PLD5: variants seen among roughly 807,000 people sequenced by gnomAD.
PLD5 encodes inactive phospholipase D5.
In PLD5, 36 loss-of-function variants were observed where a neutral mutation model predicts 61.1. The ratio of observed to expected loss-of-function variants is 0.59; its 90% CI spans 0.45 to 0.78. PLD5 has a LOEUF of 0.78. Ranked by LOEUF, PLD5 falls within the 30% of genes least tolerant of loss-of-function variation. The probability of loss-of-function intolerance (pLI) is 0.00; values close to 1 mark genes in which losing one functional copy is unlikely to be tolerated. For missense variants in PLD5, 515 were observed against 644.4 expected (o/e 0.80, Z 2.17); for synonymous variants, 243 against 242.8 (o/e 1.00, Z -0.01).
In PLD5 at chr1:242,327,144, C is replaced by T. The variant is rs184850859; in HGVS notation, c.326+20962G>A. ...CCTCCCAAAGTGCTGGGATTACAAG[C>T]GTGAGCCACCACGCCTGGCGCTAAT... On this transcript the variant is annotated intron_variant, in intron 2 of 9. Coordinates refer to ENST00000536534, the MANE Select transcript of PLD5 (RefSeq NM_001372062.1). 2.5e-3 allele frequency among the ~76,000 whole-genome samples: 377 copies of T among 151,942 alleles called. 1 individual carries two copies. The highest frequency in any genetic ancestry group is 8.4e-3 in the African/African-American group (347 of 41,414).
At chr1:242,244,534 T>C (rs1168179991) in intron 4 of PLD5, among the ~76,000 whole-genome samples, 1 of 152,170 alleles carries the variant, frequency 6.6e-6, no homozygotes, top group Non-Finnish European at 1.5e-5. Context: ...TTTAAATGAG[T>C]GGATACAAAT....
At chr1:242,095,649 A>G (rs1574283193) in intron 9 of PLD5, among the ~76,000 whole-genome samples, 2 of 152,188 alleles carry the variant, frequency 1.3e-5, no homozygotes, top group African/African-American at 2.4e-5. Flanking sequence ...CCCACAAAAG[A>G]ACATTTAGAT....
chr1:242,279,608 A>C lies in PLD5; in HGVS notation c.495+8754T>G, dbSNP rs556987740. 2.0e-5 allele frequency among the ~76,000 whole-genome samples: 3 copies of C among 151,852 alleles called. No individual in the cohort carries two copies. In the East Asian group the frequency reaches 5.8e-4, roughly 29 times the overall value. On this transcript the variant is annotated intron_variant, in intron 3 of 9. Coordinates refer to ENST00000536534, the MANE Select transcript of PLD5 (RefSeq NM_001372062.1). ...TAGAGCAGTGGCACAATCTCAGCTC[A>C]CTGCAACCTCTGCCTCCCGGGTTCA...
chr1:242,300,762 T>G (rs375865158), intron 2 of PLD5, among the ~76,000 whole-genome samples: 1 of 151,302 alleles, frequency 6.6e-6, no homozygotes, highest in Non-Finnish European at 1.5e-5. Context: ...GGACAAGGGT[T>G]GCAGCGGGAG....
chr1:242,267,079 T>C (rs1673724152), intron 3 of PLD5, among the ~76,000 whole-genome samples: 1 of 148,792 alleles, frequency 6.7e-6, no homozygotes. Context: ...ATCACGCCAC[T>C]GAACTCCAGC....
At chr1:242,309,626 G>A (rs1171911579) in intron 2 of PLD5, among the ~76,000 whole-genome samples, 37 of 151,092 alleles carry the variant, frequency 2.4e-4, no homozygotes, top group Non-Finnish European at 1.6e-4. Context: ...CGCCCACCTC[G>A]GCCTCCCAAA....
rs550489000 is a variant in PLD5, at chr1:242,309,005, A to C, written c.327-20475T>G. On this transcript the variant is annotated intron_variant, in intron 2 of 9. Coordinates refer to ENST00000536534, the MANE Select transcript of PLD5 (RefSeq NM_001372062.1). Reference sequence around the variant, plus strand: ...AAAGTGGAGCGGGGAAAAAGATGAGAAGATGGCCTAAGGCAAGAATAAGAG... The same window carrying C: ...AAAGTGGAGCGGGGAAAAAGATGAGCAGATGGCCTAAGGCAAGAATAAGAG... 5.9e-5 allele frequency among the ~76,000 whole-genome samples: 9 copies of C among 152,248 alleles called. No homozygotes were observed. The East Asian group carries it at 1.7e-3, about 29-fold the overall frequency.
At position 242,368,019 on chromosome 1, in the gene PLD5, T is replaced by C. The variant is rs141147378; in HGVS notation, c.190-19777A>G. On this transcript the variant is annotated intron_variant, in intron 1 of 9. Coordinates refer to ENST00000536534, the MANE Select transcript of PLD5 (RefSeq NM_001372062.1). The stretch of plus-strand genomic sequence containing the variant: ...AAAGTACAAAGTCCTGTTAAAATAA[T>C]TGGAAGGCCATTAGACTGAGGCAAT... Among the ~76,000 whole-genome samples the C allele has an allele frequency of 1.6e-4, 25 of 152,298 alleles. No homozygotes were observed. In the East Asian group the frequency reaches 3.1e-3, roughly 19 times the overall value.
chr1:242,463,395 A>G (rs775961270), intron 1 of PLD5, among the ~76,000 whole-genome samples: 3 of 152,054 alleles, frequency 2.0e-5, no homozygotes, highest in Non-Finnish European at 4.4e-5. Flanking sequence ...GGAAAAACAA[A>G]CTCCAAATTC....
chr1:242,452,473 A>C (rs927692597), intron 1 of PLD5, among the ~76,000 whole-genome samples: 1 of 152,070 alleles, frequency 6.6e-6, no homozygotes, highest in Non-Finnish European at 1.5e-5. Flanking sequence ...AGCAGGAAAA[A>C]ACTTGGACTT....
In PLD5 at chr1:242,220,114, T is replaced by A. The variant is rs767674498; in HGVS notation, c.609A>T (p.Gly203=). 6.8e-6 allele frequency: 11 copies of A among 1,613,930 alleles called. No homozygotes were observed. The highest frequency in any genetic ancestry group is 5.0e-5 in the Admixed American group (3 of 59,998). Residue 203 remains glycine, a splice_region_variant and synonymous_variant, in exon 5 of 10, where the codon GGA becomes GGT. Coordinates refer to ENST00000536534, the MANE Select transcript of PLD5 (RefSeq NM_001372062.1). ...TCATGTTCATGTACGTCACCTCGGC[T>A]CCTAGGAGTTCAAGGACAGTCTGGT... is the stretch of plus-strand genomic sequence containing the variant. ...SKVLEALKLK[G]AEVTYMNMTA...
chr1:242,487,711 T>G (rs1368323616), intron 1 of PLD5, among the ~76,000 whole-genome samples: 1 of 152,020 alleles, frequency 6.6e-6, no homozygotes, highest in African/African-American at 2.4e-5. Context: ...CCAACCAAAT[T>G]TTAAAATGAG....
rs546066009 is a variant in PLD5, at chr1:242,256,847, A to G, written c.607+8490T>C. ...GTCATCTATTTCTTTCTTTCTGTGTATCTGCCATCTATCTTCCTATCTTCT... is the reference window on the plus strand; with the variant it reads ...GTCATCTATTTCTTTCTTTCTGTGTGTCTGCCATCTATCTTCCTATCTTCT... On this transcript the variant is annotated intron_variant, in intron 4 of 9. Coordinates refer to ENST00000536534, the MANE Select transcript of PLD5 (RefSeq NM_001372062.1). The surrounding 1 kb of genome is among the most constrained non-coding windows in gnomAD (Gnocchi z 5.7). Among the ~76,000 whole-genome samples the G allele has an allele frequency of 6.1e-5, 9 of 148,524 alleles. No homozygotes were observed. The highest frequency in any genetic ancestry group is 2.0e-4 in the Admixed American group (3 of 14,736).
intron 1 of PLD5, among the ~76,000 whole-genome samples, chr1:242,352,534 C>T (rs1660536282): frequency 6.6e-6 from 1 of 152,196 alleles, no homozygotes; most frequent in Admixed American, 6.5e-5. Context: ...ATCTTTTCAA[C>T]ATACCGATTT....
At chr1:242,243,611 C>T (rs889637680) in intron 4 of PLD5, among the ~76,000 whole-genome samples, 2 of 152,172 alleles carry the variant, frequency 1.3e-5, no homozygotes, top group African/African-American at 4.8e-5. Context: ...CAACACAGTG[C>T]CTTCTAGTTT....
intron 1 of PLD5, among the ~76,000 whole-genome samples, chr1:242,456,479 T>G (rs922798489): frequency 2.6e-5 from 4 of 152,124 alleles, no homozygotes; most frequent in African/African-American, 4.8e-5. Context: ...TAAAGAACTC[T>G]AAAAAGAAAA....
chr1:242,476,316 T>C (rs1378353683), intron 1 of PLD5, among the ~76,000 whole-genome samples: 1 of 151,654 alleles, frequency 6.6e-6, no homozygotes, highest in Non-Finnish European at 1.5e-5. Context: ...GATTGCACCA[T>C]TGCACTCCAG....
chr1:242,273,739 C>T (rs1674246188), intron 3 of PLD5, among the ~76,000 whole-genome samples: 2 of 152,278 alleles, frequency 1.3e-5, no homozygotes, highest in South Asian at 4.1e-4. Context: ...ATCCTAAATA[C>T]AATCACAAGT....
chr1:242,202,723 C>T (rs1669058558), intron 5 of PLD5, among the ~76,000 whole-genome samples: 1 of 152,152 alleles, frequency 6.6e-6, no homozygotes, highest in Admixed American at 6.5e-5. Context: ...ACACACTCTA[C>T]TTTGTGCATT....
Sources: allele counts gnomAD v4.1 joint callset (sites outside exome capture counted in the v4.1 genomes callset), GRCh38; gene constraint gnomAD v4.1.1; non-coding constraint Gnocchi (gnomAD v3.1); transcripts MANE v1.5; gene names NCBI Gene and HGNC (gene_info 2026-07-23, HGNC 2026-07-21).